DACH1: variants seen among roughly 807,000 people sequenced by gnomAD.
DACH1 encodes dachshund family transcription factor 1, also known as dachshund homolog 1.
DACH1 carries 12 observed loss-of-function variants against 54.2 expected under a neutral mutation model. The observed-to-expected ratio is 0.22, with a 90% confidence interval of 0.14 to 0.36. The LOEUF is 0.36. DACH1 is among the 10% of genes least tolerant of loss of function. DACH1 has a pLI of 1.00. For missense variants in DACH1, 805 were observed against 929.8 expected, an observed-to-expected ratio of 0.87 and a Z score of 1.75; for synonymous variants, 386 against 366.2, an observed-to-expected ratio of 1.05 and a Z score of -0.62.
In DACH1 at chr13:71,866,862, G is replaced by T; in HGVS notation, c.-93C>A. ...GGAAGGGGAAAAAAGGGGGGAGAAG[G>T]AGCGAGGGGGGCAACAACAACTCCG... On this transcript the variant is annotated 5_prime_UTR_variant, in exon 1 of 11. Transcript: ENST00000613252. The T allele has an allele frequency of 1.1e-6, 1 of 878,202 alleles. No homozygotes were observed. The highest frequency in any genetic ancestry group is 1.4e-6 in the Non-Finnish European group (1 of 692,920). 54.4% of individuals were successfully genotyped at this position (878,202 alleles called of 1,614,324 possible).
chr13:71,618,575 A>G (rs1000156420), intron 3 of DACH1, among the ~76,000 whole-genome samples: 8 of 152,014 alleles, frequency 5.3e-5, no homozygotes, highest in African/African-American at 1.9e-4. Flanking sequence ...TTAAGCTATT[A>G]AATGAAGTAG....
At chr13:71,753,349 T>G (rs1016143608) in intron 1 of DACH1, among the ~76,000 whole-genome samples, 1 of 152,162 alleles carries the variant, frequency 6.6e-6, no homozygotes, top group African/African-American at 2.4e-5. Context: ...ACAGATGAGG[T>G]ACATTTCTTC....
At chr13:71,501,183 C>T (rs941860635) in intron 6 of DACH1, among the ~76,000 whole-genome samples, 1 of 152,090 alleles carries the variant, frequency 6.6e-6, no homozygotes, top group Non-Finnish European at 1.5e-5. Flanking sequence ...AACTATAACT[C>T]GATCTCTTCG....
intron 1 of DACH1, among the ~76,000 whole-genome samples, chr13:71,857,393 G>A (rs543370377): frequency 6.6e-6 from 1 of 151,732 alleles, no homozygotes; most frequent in African/African-American, 2.4e-5. Flanking sequence ...TAAAATTAAA[G>A]CCAATTGTAT....
chr13:71,730,183 T>G (rs1245268329), intron 1 of DACH1, among the ~76,000 whole-genome samples: 1 of 151,856 alleles, frequency 6.6e-6, no homozygotes, highest in East Asian at 1.9e-4. Context: ...ACATGTACCC[T>G]AAAACTTAAA....
At chr13:71,726,193 C>A (rs373031695) in intron 1 of DACH1, among the ~76,000 whole-genome samples, 1 of 151,984 alleles carries the variant, frequency 6.6e-6, no homozygotes, top group Admixed American at 6.6e-5. Context: ...GGAGTTGAGG[C>A]GAATAGACCG....
intron 6 of DACH1, among the ~76,000 whole-genome samples, chr13:71,543,844 G>T (rs547021960): frequency 6.6e-6 from 1 of 152,090 alleles, no homozygotes; most frequent in Non-Finnish European, 1.5e-5. Context: ...ATCCTTAGCC[G>T]TAGATTTAAA....
intron 3 of DACH1, among the ~76,000 whole-genome samples, chr13:71,578,584 A>T (rs2138427978): frequency 6.6e-6 from 1 of 152,284 alleles, no homozygotes; most frequent in East Asian, 1.9e-4. Flanking sequence ...TATTCTTTTG[A>T]ATAACTATTT....
rs781174713 is a variant in DACH1, at chr13:71,440,652, G to C, written c.*3C>G. 1 of 1,596,832 alleles carries C rather than the reference G, an allele frequency of 6.3e-7. No individual in the cohort carries two copies. The highest frequency in any genetic ancestry group is 8.5e-7 in the Non-Finnish European group (1 of 1,172,956). On this transcript the variant is annotated 3_prime_UTR_variant, in exon 11 of 11. Coordinates refer to ENST00000613252, the MANE Select transcript of DACH1 (RefSeq NM_080759.6). Reference sequence around the variant, plus strand: ...TAACATGGATTTCTTCAACAGGAAAGATTCAGTACATGACAGTAGTTTTCA... The same window carrying C: ...TAACATGGATTTCTTCAACAGGAAACATTCAGTACATGACAGTAGTTTTCA...
At chr13:71,604,986 A>T (rs907282851) in intron 3 of DACH1, among the ~76,000 whole-genome samples, 1 of 151,996 alleles carries the variant, frequency 6.6e-6, no homozygotes, top group Non-Finnish European at 1.5e-5. Flanking sequence ...AGTGGTCTAT[A>T]AATGTATACA....
intron 1 of DACH1, among the ~76,000 whole-genome samples, chr13:71,700,843 C>T (rs922873073): frequency 6.6e-6 from 1 of 152,086 alleles, no homozygotes; most frequent in African/African-American, 2.4e-5. Context: ...TTCCACATCC[C>T]TGATTCTATC....
intron 1 of DACH1, among the ~76,000 whole-genome samples, chr13:71,701,988 T>C (rs79488848): frequency 0.056 from 8,465 of 152,158 alleles, 688 homozygotes; most frequent in African/African-American, 0.18. Context: ...AAAGCTTCAG[T>C]TTCTGTTATC....
chr13:71,633,977 T>C (rs1410588819), intron 2 of DACH1, among the ~76,000 whole-genome samples: 1 of 151,086 alleles, frequency 6.6e-6, no homozygotes, highest in Admixed American at 6.6e-5. Context: ...CTTCCTTTTT[T>C]TTTTTTTTCT....
chr13:71,668,936 C>T (rs1387178527), intron 2 of DACH1, among the ~76,000 whole-genome samples: 1 of 151,558 alleles, frequency 6.6e-6, no homozygotes, highest in African/African-American at 2.4e-5. Flanking sequence ...AAATAAAAAA[C>T]AAAAAAAGAA....
chr13:71,484,896 A>T (rs1316514362), intron 7 of DACH1, among the ~76,000 whole-genome samples: 1 of 151,860 alleles, frequency 6.6e-6, no homozygotes, highest in East Asian at 1.9e-4. Flanking sequence ...ATGCATCTCT[A>T]CTAAAATGCT....
chr13:71,609,299 T>C (rs1875124921), intron 3 of DACH1, among the ~76,000 whole-genome samples: 1 of 152,070 alleles, frequency 6.6e-6, no homozygotes, highest in Admixed American at 6.6e-5. Flanking sequence ...GAAGTCACCG[T>C]TGCAATTTAT....
chr13:71,523,737 T>C (rs909982944), intron 6 of DACH1, among the ~76,000 whole-genome samples: 5 of 152,124 alleles, frequency 3.3e-5, no homozygotes. Flanking sequence ...TCACAAGTTA[T>C]AAAATCTTAT....
chr13:71,454,261 A>C (rs1875344271), intron 10 of DACH1, among the ~76,000 whole-genome samples: 1 of 152,172 alleles, frequency 6.6e-6, no homozygotes, highest in Non-Finnish European at 1.5e-5. Context: ...GTAGGAATAT[A>C]TCACACTCCT....
chr13:71,454,083 TATC>T (rs754567137), intron 10 of DACH1, among the ~76,000 whole-genome samples: 25 of 152,000 alleles, frequency 1.6e-4, no homozygotes, highest in Non-Finnish European at 3.2e-4. Context: ...TTGACAGAAA[TATC>T]ATAACTAAAG....
Sources: allele counts gnomAD v4.1 joint callset (sites outside exome capture counted in the v4.1 genomes callset), GRCh38; gene constraint gnomAD v4.1.1; transcripts MANE v1.5; gene names NCBI Gene and HGNC (gene_info 2026-07-23, HGNC 2026-07-21).